CHEK2: variants seen among roughly 807,000 people sequenced by gnomAD.
The protein encoded by CHEK2 is serine/threonine-protein kinase Chk2.
Under a neutral mutation model 69.1 loss-of-function variants are expected in CHEK2, and 71 were observed. The ratio of observed to expected loss-of-function variants is 1.03; its 90% CI spans 0.85 to 1.25. The LOEUF (loss-of-function observed/expected upper bound fraction) is 1.25, where lower values mean the gene tolerates loss of function less well. Ranked by LOEUF, CHEK2 falls within the 50% of genes most tolerant of loss-of-function variation. CHEK2 has a pLI of 0.00. For missense variants in CHEK2, 664 were observed against 649.6 expected (o/e 1.02, Z -0.24); for synonymous variants, 189 against 226.9 (o/e 0.83, Z 1.50).
intron 7 of CHEK2, among the ~76,000 whole-genome samples, chr22:28,707,830 C>CTTTTTTTTTT (rs11453597): frequency 9.8e-6 from 1 of 102,462 alleles, no homozygotes; most frequent in Non-Finnish European, 1.8e-5. Flanking sequence ...TTGTGTTTAT[C>CTTTTTTTTTT]TTTTTTTTTT....
chr22:28,715,866 T>C (rs1197505051), intron 5 of CHEK2, among the ~76,000 whole-genome samples: 1 of 151,444 alleles, frequency 6.6e-6, no homozygotes, highest in Non-Finnish European at 1.5e-5. Flanking sequence ...TCTTCTTCTT[T>C]TTTTTTTTTT....
intron 8 of CHEK2, among the ~76,000 whole-genome samples, chr22:28,702,494 T>C (rs556590124): frequency 6.6e-6 from 1 of 150,382 alleles, no homozygotes; most frequent in South Asian, 2.1e-4. Context: ...CGCCTTGGCC[T>C]CCCTAAGTGC....
chr22:28,739,231 G>A (rs1250343830), intron 1 of CHEK2, among the ~76,000 whole-genome samples: 1 of 152,048 alleles, frequency 6.6e-6, no homozygotes, highest in Non-Finnish European at 1.5e-5. Context: ...AGCCGAGATC[G>A]CACCACTGCA....
intron 5 of CHEK2, among the ~76,000 whole-genome samples, chr22:28,718,370 G>A (rs375057947): frequency 1.1e-3 from 172 of 152,042 alleles, no homozygotes; most frequent in Middle Eastern, 3.4e-3. Flanking sequence ...TAGTATAAAG[G>A]TTCCCCAAAA....
chr22:28,720,161 G>A (rs1308296329), intron 4 of CHEK2, among the ~76,000 whole-genome samples: 8 of 145,690 alleles, frequency 5.5e-5, no homozygotes, highest in Non-Finnish European at 1.2e-4. Context: ...CATGACCTCA[G>A]CTCACTGCAA....
chr22:28,721,432 G>A (rs1170296437), intron 4 of CHEK2: 8 of 295,416 alleles, frequency 2.7e-5, no homozygotes, highest in East Asian at 8.5e-5. Context: ...GATTACAGGC[G>A]CCTGCCATCA....
chr22:28,693,764 C>A (rs1290715088), intron 13 of CHEK2, among the ~76,000 whole-genome samples: 1 of 152,064 alleles, frequency 6.6e-6, no homozygotes, highest in Non-Finnish European at 1.5e-5. Flanking sequence ...GAGGCTGAGG[C>A]AGGAGAATCA....
At chr22:28,696,019 C>G (rs2052572796) in intron 10 of CHEK2, 146 bp from the exon 11 acceptor site, 1 of 692,870 alleles carries the variant, frequency 1.4e-6, no homozygotes, top group East Asian at 2.7e-5. Flanking sequence ...TTTACAGATT[C>G]ATGTCTTTGC....
At position 28,703,504 on chromosome 22, in the gene CHEK2, C is replaced by T. The variant is rs587781699; in HGVS notation, c.908+1G>A. Reference sequence around the variant, plus strand: ...AAATTTTTAAAAAGTTTACTACTTACAATTCCAAAACAATATAATAATCTT... The same window carrying T: ...AAATTTTTAAAAAGTTTACTACTTATAATTCCAAAACAATATAATAATCTT... On this transcript the variant is annotated splice_donor_variant, in intron 8 of 14. Transcript: ENST00000404276. LOFTEE classifies it high-confidence loss of function. The T allele has an allele frequency of 3.5e-6, 5 of 1,413,272 alleles. No homozygotes were observed. The highest frequency in any genetic ancestry group is 5.0e-6 in the Non-Finnish European group (5 of 1,009,744). 87.5% of individuals were successfully genotyped at this position (1,413,272 alleles called of 1,614,324 possible).
intron 5 of CHEK2, among the ~76,000 whole-genome samples, chr22:28,714,624 A>G (rs1005494800): frequency 4.6e-5 from 7 of 152,156 alleles, no homozygotes; most frequent in Admixed American, 6.6e-5. Context: ...TTGAGGCACA[A>G]AAGTTTTTAA....
At chr22:28,722,970 C>T (rs1326050824) in intron 4 of CHEK2, among the ~76,000 whole-genome samples, 1 of 152,016 alleles carries the variant, frequency 6.6e-6, no homozygotes, top group African/African-American at 2.4e-5. Flanking sequence ...ACATAGACAC[C>T]CTCCAAGTCA....
rs200451612 is a variant in CHEK2, at chr22:28,719,415, G to C, written c.663C>G (p.Ile221Met). 4.2e-5 allele frequency: 67 copies of C among 1,589,632 alleles called. 1 individual carries two copies. In the African/African-American group the frequency reaches 7.0e-4, roughly 17 times the overall value. The change falls in exon 5 of 15, where the codon ATC becomes ATG. Residue 221 changes from isoleucine (I) to methionine (M), a missense_variant. Physicochemically the swap from Ile to Met is conservative, Grantham distance 10. Coordinates refer to ENST00000404276, the MANE Select transcript of CHEK2 (RefSeq NM_007194.4). ...TTTACCTTCCAAGAGTTTTTGACAT[G>C]ATGTATTCATCTCTTAATGCCTTAG... ...VYPKALRDEY[I>M]MSKTLGSGAC...
intron 4 of CHEK2, chr22:28,721,441 C>A: frequency 3.2e-6 from 1 of 317,352 alleles, no homozygotes; most frequent in Non-Finnish European, 6.7e-6. Context: ...CGCCTGCCAT[C>A]ATGCCCGGCT....
chr22:28,690,995 T>G (rs2052341142), intron 13 of CHEK2, among the ~76,000 whole-genome samples: 2 of 150,488 alleles, frequency 1.3e-5, no homozygotes, highest in African/African-American at 4.9e-5. Flanking sequence ...CACTCTGTTT[T>G]GAGTTTCTCA....
chr22:28,698,787 G>A (rs917934234), intron 9 of CHEK2, among the ~76,000 whole-genome samples: 5 of 152,054 alleles, frequency 3.3e-5, no homozygotes, highest in African/African-American at 9.7e-5. Context: ...CCACTGCAGC[G>A]AACAGGATGC....
In CHEK2 at chr22:28,719,491, G is replaced by A. The variant is rs1455150838; in HGVS notation, c.593-6C>T. On this transcript the variant is annotated splice_polypyrimidine_tract_variant and splice_region_variant and intron_variant, in intron 4 of 14. Coordinates refer to ENST00000404276, the MANE Select transcript of CHEK2 (RefSeq NM_007194.4). The stretch of plus-strand genomic sequence containing the variant: ...CAGATCAAAAAAGACAAAAACTAAG[G>A]AAGAAAAGAGTAGAAATGGGTTTCA... The A allele has an allele frequency of 1.3e-6, 2 of 1,527,008 alleles. No homozygotes were observed. Among genetic ancestry groups the A allele is most frequent in the Non-Finnish European group, 1.8e-6 (2 of 1,111,078 alleles). 94.6% of individuals were successfully genotyped at this position (1,527,008 alleles called of 1,614,324 possible).
At chr22:28,741,121 GCCTGGCAA>G (rs1390033826) in intron 1 of CHEK2, among the ~76,000 whole-genome samples, 1 of 132,304 alleles carries the variant, frequency 7.6e-6, no homozygotes, top group African/African-American at 2.9e-5. Flanking sequence ...CTGCACTCCA[GCCTGGCAA>G]CAGAGAGAGA....
chr22:28,719,523 T>C, intron 4 of CHEK2, 38 bp from the exon 5 acceptor site: 1 of 1,218,590 alleles, frequency 8.2e-7, no homozygotes, highest in Non-Finnish European at 1.2e-6. Context: ...TTCATTAATT[T>C]ATTCACAAGA....
At chr22:28,698,510 A>G (rs2145830548) in intron 9 of CHEK2, among the ~76,000 whole-genome samples, 1 of 152,314 alleles carries the variant, frequency 6.6e-6, no homozygotes, top group Non-Finnish European at 1.5e-5. Flanking sequence ...TTACTGGGAA[A>G]TGGATCTGGT....
Sources: allele counts gnomAD v4.1 joint callset (sites outside exome capture counted in the v4.1 genomes callset), GRCh38; gene constraint gnomAD v4.1.1; transcripts MANE v1.5; gene names NCBI Gene and HGNC (gene_info 2026-07-23, HGNC 2026-07-21).